The following DNAAF4 variants were observed in gnomAD, a reference collection of about 807,000 sequenced individuals.
The protein encoded by DNAAF4 is dynein assembly factor 4, axonemal.
DNAAF4 carries 43 observed loss-of-function variants against 51.8 expected under a neutral mutation model. The ratio of observed to expected loss-of-function variants is 0.83; its 90% CI spans 0.65 to 1.07. DNAAF4 has a LOEUF of 1.07. Ranked by LOEUF, DNAAF4 falls within the 50% of genes least tolerant of loss-of-function variation. The pLI is 0.00. For synonymous variants in DNAAF4, 194 were observed against 165.6 expected (o/e 1.17, Z -1.32); for missense variants, 581 against 493.0 (o/e 1.18, Z -1.69).
intron 5 of DNAAF4, among the ~76,000 whole-genome samples, chr15:55,465,949 G>A (rs572689473): frequency 1.3e-5 from 2 of 152,140 alleles, no homozygotes; most frequent in African/African-American, 4.8e-5. Flanking sequence ...AGGGGGGAAG[G>A]GTGCAGGGGT....
At chr15:55,439,923 C>T (rs1436920501) in intron 6 of DNAAF4, among the ~76,000 whole-genome samples, 1 of 152,138 alleles carries the variant, frequency 6.6e-6, no homozygotes, top group Admixed American at 6.5e-5. Context: ...GCACCCCTAC[C>T]AAGAATCATG....
chr15:55,506,849 ATTTTTCT>A (rs896853856), intron 1 of DNAAF4, among the ~76,000 whole-genome samples: 3 of 151,972 alleles, frequency 2.0e-5, no homozygotes, highest in Non-Finnish European at 2.9e-5. Flanking sequence ...TTACTTTTTT[ATTTTTCT>A]TTTTTCTTTT....
At position 55,498,302 on chromosome 15, in the gene DNAAF4, A is replaced by G; in HGVS notation, c.28T>C (p.Trp10Arg). Reference sequence around the variant, plus strand: ...AAGACCGCAGTCTTCGTCTGCTGCCAGCTGTAATCGCTAACCTGAAGAGGC... The same window carrying G: ...AAGACCGCAGTCTTCGTCTGCTGCCGGCTGTAATCGCTAACCTGAAGAGGC... MPLQVSDYS[W>R]QQTKTAVFLS... Residue 10 changes from tryptophan to arginine, a missense_variant, in exon 2 of 10, where the codon TGG becomes CGG. Coordinates refer to ENST00000321149, the MANE Select transcript of DNAAF4 (RefSeq NM_130810.4). The G allele has an allele frequency of 6.2e-7, 1 of 1,612,874 alleles. No individual in the cohort carries two copies. The highest frequency in any genetic ancestry group is 8.5e-7 in the Non-Finnish European group (1 of 1,179,394).
intron 5 of DNAAF4, among the ~76,000 whole-genome samples, chr15:55,462,394 G>A (rs2447711): frequency 0.68 from 102,967 of 151,774 alleles, 35,502 homozygotes; most frequent in East Asian, 0.9. Context: ...GTTTCACCAC[G>A]TTGGGCAGGC....
At chr15:55,418,009 ACTT>A in exon 8 of DNAAF4, 1 of 911,630 alleles carries the variant, frequency 1.1e-6, no homozygotes, top group Non-Finnish European at 1.6e-6. Context: ...GGCCATTTTC[ACTT>A]CTTTTGTGAT....
At chr15:55,439,775 G>A (rs1306876415) in intron 6 of DNAAF4, among the ~76,000 whole-genome samples, 194 bp from the exon 7 acceptor site, 1 of 152,102 alleles carries the variant, frequency 6.6e-6, no homozygotes, top group African/African-American at 2.4e-5. Flanking sequence ...ATTTGGTAGT[G>A]GGGCCTCTGA....
chr15:55,450,413 T>C (rs945838370), intron 5 of DNAAF4, 46 bp from the exon 6 acceptor site: 5 of 1,581,660 alleles, frequency 3.2e-6, no homozygotes, highest in Admixed American at 1.8e-5. Context: ...TCTCATTTTC[T>C]AGTTAACAAT....
At chr15:55,478,464 G>C (rs2058365132) in intron 4 of DNAAF4, among the ~76,000 whole-genome samples, 1 of 152,170 alleles carries the variant, frequency 6.6e-6, no homozygotes, top group Admixed American at 6.5e-5. Flanking sequence ...AGGTCAACCT[G>C]CTAGCATGGT....
chr15:55,459,219 A>G (rs2058060979), intron 5 of DNAAF4, among the ~76,000 whole-genome samples: 1 of 152,158 alleles, frequency 6.6e-6, no homozygotes, highest in Non-Finnish European at 1.5e-5. Flanking sequence ...CTTAAACAAA[A>G]TAATTATCCG....
At chr15:55,437,133 A>G (rs2057625984) in intron 7 of DNAAF4, among the ~76,000 whole-genome samples, 1 of 152,100 alleles carries the variant, frequency 6.6e-6, no homozygotes, top group Non-Finnish European at 1.5e-5. Context: ...CCTTGTTCTT[A>G]TCCATGTTAT....
At chr15:55,427,066 T>G (rs188368666), downstream of DNAAF4, among the ~76,000 whole-genome samples, 81 of 152,132 alleles carry the variant, frequency 5.3e-4, no homozygotes, top group Admixed American at 1.6e-3. Context: ...TTTTGTTTTT[T>G]TTTGTTTGTT....
intron 4 of DNAAF4, among the ~76,000 whole-genome samples, chr15:55,472,940 C>T (rs2058275732): frequency 6.6e-6 from 1 of 151,698 alleles, no homozygotes. Flanking sequence ...CCGAGTCAGG[C>T]AAATTACTTG....
intron 4 of DNAAF4, among the ~76,000 whole-genome samples, chr15:55,471,171 T>C (rs973506917): frequency 6.6e-6 from 1 of 152,036 alleles, no homozygotes; most frequent in East Asian, 1.9e-4. Flanking sequence ...TGATTGATTA[T>C]TAAGTCAGTC....
chr15:55,469,684 G>C (rs1307508626), intron 4 of DNAAF4, among the ~76,000 whole-genome samples: 2 of 151,456 alleles, frequency 1.3e-5, no homozygotes, highest in African/African-American at 4.9e-5. Flanking sequence ...TAGAGACGGG[G>C]TTTCACTGTG....
intron 5 of DNAAF4, among the ~76,000 whole-genome samples, chr15:55,465,389 TATATACACACACAC>T (rs938538219): frequency 7.8e-6 from 1 of 128,498 alleles, no homozygotes; most frequent in African/African-American, 4.0e-5. Flanking sequence ...ATATGGTGTA[TATATACACACACAC>T]ACACACACAC....
At chr15:55,433,808 A>AT (rs2057538886) in intron 8 of DNAAF4, among the ~76,000 whole-genome samples, 1 of 90,374 alleles carries the variant, frequency 1.1e-5, no homozygotes, top group African/African-American at 4.2e-5. Flanking sequence ...TGTTTTATAT[A>AT]TATAATATAT....
chr15:55,465,240 C>CA (rs1270202976), intron 5 of DNAAF4, among the ~76,000 whole-genome samples: 4 of 152,144 alleles, frequency 2.6e-5, no homozygotes. Flanking sequence ...TTTGATCCAG[C>CA]AATCCCCCTA....
intron 4 of DNAAF4, among the ~76,000 whole-genome samples, chr15:55,480,750 C>T (rs1340631400): frequency 6.6e-6 from 1 of 152,204 alleles, no homozygotes; most frequent in African/African-American, 2.4e-5. Flanking sequence ...AAGGAGCTTT[C>T]AGACGGCTTG....
chr15:55,467,630 C>T (rs1420997236), intron 4 of DNAAF4, among the ~76,000 whole-genome samples: 2 of 151,938 alleles, frequency 1.3e-5, no homozygotes, highest in Admixed American at 6.6e-5. Flanking sequence ...CCCTGTCAAC[C>T]GAAGTTGTGC....
Sources: allele counts gnomAD v4.1 joint callset (sites outside exome capture counted in the v4.1 genomes callset), GRCh38; gene constraint gnomAD v4.1.1; transcripts MANE v1.5; gene names NCBI Gene and HGNC (gene_info 2026-07-23, HGNC 2026-07-21).